The following PID1 variants were observed in gnomAD, a reference collection of about 807,000 sequenced individuals.
PID1 encodes PTB-containing, cubilin and LRP1-interacting protein.
PID1 carries 10 observed loss-of-function variants against 19.1 expected under a neutral mutation model. The observed-to-expected ratio is 0.52, with a 90% CI of 0.32 to 0.89. The LOEUF (loss-of-function observed/expected upper bound fraction) is 0.89. Ranked by LOEUF, PID1 falls within the 40% of genes least tolerant of loss-of-function variation. The pLI is 0.03. For synonymous variants in PID1, 130 were observed against 116.0 expected (o/e 1.12, Z -0.78); for missense variants, 248 against 285.3 (o/e 0.87, Z 0.94).
chr2:229,264,372 C>T (rs1690540043), intron 1 of PID1, among the ~76,000 whole-genome samples: 1 of 152,114 alleles, frequency 6.6e-6, no homozygotes, highest in Non-Finnish European at 1.5e-5. Flanking sequence ...CTGGCAGAAA[C>T]TAAAGGAGAT....
Position 229,106,077 on chromosome 2 carries a change from C to CAA in PID1, c.177+49739_177+49740dup, listed in dbSNP as rs10664324. ...CCTGGGCAACAGAGCGAGATTCCGT[C>CAA]AAAAAAAAAAAAGGGAAAAGAAGAA... On this transcript the variant is annotated intron_variant, in intron 2 of 2. Coordinates refer to ENST00000392055, the MANE Select transcript of PID1 (RefSeq NM_001100818.2). Among the ~76,000 whole-genome samples the CAA allele has an allele frequency of 1.5e-4, 18 of 122,150 alleles. 1 individual carries two copies. Among genetic ancestry groups the CAA allele is most frequent in the Non-Finnish European group, 2.5e-4 (15 of 61,102 alleles). The allele number at this position is 122,150 out of a possible 152,430, so 80.1% of individuals were successfully genotyped here.
rs372760782 is a variant in PID1, at chr2:229,227,733, T to C, written c.30+43281A>G. Among the ~76,000 whole-genome samples, 5 of 152,286 alleles carry C rather than the reference T, an allele frequency of 3.3e-5. No individual in the cohort carries two copies. The South Asian group carries it at 8.3e-4, about 25-fold the overall frequency. ...GCCCTCTGTACCTGTGGGTTCTGCA[T>C]CAGTGGATTCAAGCAACCAGAGATC... On this transcript the variant is annotated intron_variant, in intron 1 of 2. Coordinates refer to ENST00000392055, the MANE Select transcript of PID1 (RefSeq NM_001100818.2).
intron 1 of PID1, among the ~76,000 whole-genome samples, chr2:229,220,189 T>C (rs1379132794): frequency 6.6e-6 from 1 of 152,020 alleles, no homozygotes; most frequent in Non-Finnish European, 1.5e-5. Flanking sequence ...CCATCTAATT[T>C]CCTATTTTTT....
rs916117220 is a variant in PID1, at chr2:229,025,169, C to T, written c.*463G>A. On this transcript the variant is annotated 3_prime_UTR_variant, in exon 3 of 3. Coordinates refer to ENST00000392055, the MANE Select transcript of PID1 (RefSeq NM_001100818.2). ...GTGGGAGAGGAACAGAGGGCCCTCCCGAGATGTTCCTTCCTCCCTGCGGCC... is the reference window on the plus strand; with the variant it reads ...GTGGGAGAGGAACAGAGGGCCCTCCTGAGATGTTCCTTCCTCCCTGCGGCC... The T allele has an allele frequency of 1.9e-5, 3 of 161,762 alleles. No individual in the cohort carries two copies. The highest frequency in any genetic ancestry group is 4.1e-5 in the Non-Finnish European group (3 of 73,326). The allele number at this position is 161,762 out of a possible 1,614,324, so 10.0% of individuals were successfully genotyped here.
chr2:229,098,266 G>T (rs181186851), intron 2 of PID1, among the ~76,000 whole-genome samples: 1 of 152,306 alleles, frequency 6.6e-6, no homozygotes, highest in African/African-American at 2.4e-5. Flanking sequence ...TAAAATGAGG[G>T]AGATAGACAA....
At chr2:229,119,645 C>T (rs1443544634) in intron 2 of PID1, among the ~76,000 whole-genome samples, 1 of 152,182 alleles carries the variant, frequency 6.6e-6, no homozygotes, top group Non-Finnish European at 1.5e-5. Context: ...AATGGCCTTA[C>T]ACTAACTTGG....
At chr2:229,158,566 A>T (rs1559262164) in intron 1 of PID1, among the ~76,000 whole-genome samples, 1 of 152,176 alleles carries the variant, frequency 6.6e-6, no homozygotes. Context: ...TGTGGAAGGT[A>T]ATGAAGGTAA....
chr2:229,190,929 T>C (rs1400944914), intron 1 of PID1, among the ~76,000 whole-genome samples: 1 of 152,236 alleles, frequency 6.6e-6, no homozygotes, highest in Non-Finnish European at 1.5e-5. Context: ...ATTTTTCTTA[T>C]GTGTAAACCA....
intron 1 of PID1, among the ~76,000 whole-genome samples, chr2:229,254,303 A>G (rs1690234293): frequency 6.6e-6 from 1 of 152,220 alleles, no homozygotes; most frequent in Non-Finnish European, 1.5e-5. Context: ...CAAAACACAG[A>G]TGTCCACTTC....
intron 2 of PID1, among the ~76,000 whole-genome samples, chr2:229,113,754 C>T (rs10451556): frequency 0.11 from 17,306 of 151,780 alleles, 1,169 homozygotes; most frequent in South Asian, 0.23. Flanking sequence ...TGGTTCTTAG[C>T]CTCAGAGAAC....
chr2:229,266,928 G>A (rs893647300), intron 1 of PID1, among the ~76,000 whole-genome samples: 2 of 152,164 alleles, frequency 1.3e-5, no homozygotes, highest in African/African-American at 4.8e-5. Context: ...CCTGCCTGAT[G>A]GGCCAGGGCT....
At chr2:229,157,541 G>GCACACA (rs1464247560) in intron 1 of PID1, among the ~76,000 whole-genome samples, 6 of 152,222 alleles carry the variant, frequency 3.9e-5, no homozygotes, top group Non-Finnish European at 7.4e-5. Flanking sequence ...TACAGTGTGT[G>GCACACA]CATCCCCCAT....
intron 2 of PID1, among the ~76,000 whole-genome samples, chr2:229,115,704 TGA>T (rs1695397111): frequency 6.6e-6 from 1 of 152,134 alleles, no homozygotes; most frequent in African/African-American, 2.4e-5. Flanking sequence ...TTTACAATAC[TGA>T]CACACCAGGT....
chr2:229,248,772 T>A (rs570449329), intron 1 of PID1, among the ~76,000 whole-genome samples: 2,172 of 152,258 alleles, frequency 0.014, 47 homozygotes, highest in African/African-American at 0.049. Flanking sequence ...TATTTTTTTT[T>A]AAAGTGCTAA....
intron 2 of PID1, among the ~76,000 whole-genome samples, chr2:229,151,823 G>C (rs915506865): frequency 6.6e-6 from 1 of 152,124 alleles, no homozygotes; most frequent in African/African-American, 2.4e-5. Context: ...GCCCGCCTCG[G>C]CCTCCCAAAG....
chr2:229,139,107 GAAAGAAAGAGAA>G lies in PID1; in HGVS notation c.177+16699_177+16710del, dbSNP rs1432017911. Among the ~76,000 whole-genome samples the G allele has an allele frequency of 5.8e-4, 43 of 74,118 alleles. 5 individuals are homozygous for G. The highest frequency in any genetic ancestry group is 2.0e-3 in the African/African-American group (29 of 14,488). The allele number at this position is 74,118 out of a possible 152,430, so 48.6% of individuals were successfully genotyped here. The stretch of plus-strand genomic sequence containing the variant: ...AGAAAGAAAGAAAGAAAGAAAGAAA[GAAAGAAAGAGAA>G]AGAAAGAAAGAAAGAAAGAAAGAAA... On this transcript the variant is annotated intron_variant, in intron 2 of 2. Coordinates refer to ENST00000392055, the MANE Select transcript of PID1 (RefSeq NM_001100818.2).
intron 1 of PID1, among the ~76,000 whole-genome samples, chr2:229,234,522 C>A (rs1277038537): frequency 6.6e-6 from 1 of 152,116 alleles, no homozygotes; most frequent in Non-Finnish European, 1.5e-5. Context: ...GTAACTCAGC[C>A]CTAACAACAC....
intron 2 of PID1, among the ~76,000 whole-genome samples, chr2:229,116,067 C>CA (rs902540465): frequency 3.5e-4 from 52 of 148,482 alleles, no homozygotes; most frequent in Admixed American, 6.7e-4. Flanking sequence ...ACTAAAAATA[C>CA]AAAAAAAAAA....
intron 2 of PID1, among the ~76,000 whole-genome samples, chr2:229,090,287 G>A (rs1183877655): frequency 6.6e-6 from 1 of 152,126 alleles, no homozygotes; most frequent in Non-Finnish European, 1.5e-5. Context: ...AGCAAAGCAG[G>A]AATCTACAGA....
Sources: allele counts gnomAD v4.1 joint callset (sites outside exome capture counted in the v4.1 genomes callset), GRCh38; gene constraint gnomAD v4.1.1; transcripts MANE v1.5; gene names NCBI Gene and HGNC (gene_info 2026-07-23, HGNC 2026-07-21).